ACOXL: variants seen among roughly 807,000 people sequenced by gnomAD.
ACOXL encodes the protein acyl-coenzyme A oxidase-like protein.
In ACOXL, 70 loss-of-function variants were observed where a neutral mutation model predicts 71.9. The ratio of observed to expected loss-of-function variants is 0.97; its 90% CI spans 0.80 to 1.19. The LOEUF is 1.19. ACOXL is among the 50% of genes most tolerant of loss of function. ACOXL has a pLI of 0.00. For missense variants in ACOXL, 703 were observed against 736.3 expected (o/e 0.95, Z 0.52); for synonymous variants, 253 against 281.6 (o/e 0.90, Z 1.02).
At position 110,790,848 on chromosome 2, in the gene ACOXL, C is replaced by T. The variant is rs557514837; in HGVS notation, c.160-2802C>T. ...TCCCAGCCCCTCCTCCAAGCTGTTCCACTGCAGTCAGTGGGTCTCCATCTT... is the reference window on the plus strand; with the variant it reads ...TCCCAGCCCCTCCTCCAAGCTGTTCTACTGCAGTCAGTGGGTCTCCATCTT... On this transcript the variant is annotated intron_variant, in intron 3 of 17. Transcript: ENST00000439055. Among the ~76,000 whole-genome samples the T allele has an allele frequency of 1.1e-4, 16 of 152,354 alleles. No individual in the cohort carries two copies. The South Asian group carries it at 3.3e-3, about 32-fold the overall frequency.
chr2:110,867,375 A>T (rs546877044), intron 10 of ACOXL, among the ~76,000 whole-genome samples: 227 of 152,194 alleles, frequency 1.5e-3, no homozygotes, highest in Non-Finnish European at 2.4e-3. Flanking sequence ...AGGGGCATAG[A>T]TCCTTCTGCA....
intron 2 of ACOXL, among the ~76,000 whole-genome samples, chr2:110,781,426 G>A (rs1482802842): frequency 1.3e-5 from 2 of 151,900 alleles, no homozygotes; most frequent in African/African-American, 2.4e-5. Flanking sequence ...CGGATCATGA[G>A]GTCAGGAGTT....
intron 2 of ACOXL, among the ~76,000 whole-genome samples, chr2:110,771,427 T>C (rs1410885524): frequency 6.6e-6 from 1 of 152,162 alleles, no homozygotes; most frequent in Non-Finnish European, 1.5e-5. Flanking sequence ...TGCTCTCCAC[T>C]TTTGTGGATG....
rs371697543 is a variant in ACOXL at position 110,781,124 on chromosome 2, GC to G, written c.76-3605del. Among the ~76,000 whole-genome samples, 7 of 152,342 alleles carry G rather than the reference GC, an allele frequency of 4.6e-5. No homozygotes were observed. In the East Asian group the frequency reaches 1.2e-3, roughly 25 times the overall value. ...GGGATGCCTGCTGGGGGAAGGGAATGCCCTGTGCTCTTGATTGATATGATGG... is the reference window on the plus strand; with the variant it reads ...GGGATGCCTGCTGGGGGAAGGGAATGCCTGTGCTCTTGATTGATATGATGG... On this transcript the variant is annotated intron_variant, in intron 2 of 17. Transcript: ENST00000439055.
intron 11 of ACOXL, among the ~76,000 whole-genome samples, chr2:110,925,853 C>CTT (rs59794309): frequency 0.013 from 1,566 of 120,940 alleles, 23 homozygotes; most frequent in East Asian, 0.023. Flanking sequence ...TTACTTCTAG[C>CTT]TTTTTTTTTT....
intron 15 of ACOXL, among the ~76,000 whole-genome samples, chr2:111,046,393 T>C (rs757323283): frequency 7.9e-5 from 12 of 152,168 alleles, no homozygotes; most frequent in Non-Finnish European, 1.8e-4. Context: ...AAGGGTGGTA[T>C]ATTAGTTCTT....
chr2:111,008,743 G>C (rs1402538600), intron 14 of ACOXL, among the ~76,000 whole-genome samples: 1 of 152,170 alleles, frequency 6.6e-6, no homozygotes, highest in African/African-American at 2.4e-5. Flanking sequence ...ACTGAGTGAA[G>C]TCTGTTTCCT....
At chr2:110,952,901 A>T (rs574755157) in intron 12 of ACOXL, among the ~76,000 whole-genome samples, 1 of 152,304 alleles carries the variant, frequency 6.6e-6, no homozygotes, top group East Asian at 1.9e-4. Flanking sequence ...CATATCAACC[A>T]TGATTTGATA....
intron 14 of ACOXL, among the ~76,000 whole-genome samples, chr2:111,002,729 AT>A (rs1187884491): frequency 2.0e-5 from 3 of 151,656 alleles, no homozygotes; most frequent in African/African-American, 4.9e-5. Context: ...TTTTCATTTT[AT>A]TTTTTTCCCA....
Position 110,939,210 on chromosome 2 carries a change from T to G in ACOXL, c.1059+5568T>G, listed in dbSNP as rs145562936. 2.6e-5 allele frequency among the ~76,000 whole-genome samples: 4 copies of G among 152,358 alleles called. No homozygotes were observed. The East Asian group carries it at 5.8e-4, about 22-fold the overall frequency. On this transcript the variant is annotated intron_variant, in intron 12 of 17. Coordinates refer to ENST00000439055, the MANE Select transcript of ACOXL (RefSeq NM_001142807.4). ...ATGAGCATCATCTGTGGAGGGCAGCTTCTTGGCTGAGCAAAGTCTATTTGA... is the reference window on the plus strand; with the variant it reads ...ATGAGCATCATCTGTGGAGGGCAGCGTCTTGGCTGAGCAAAGTCTATTTGA...
intron 11 of ACOXL, among the ~76,000 whole-genome samples, chr2:110,916,095 A>AT (rs2059848558): frequency 6.6e-6 from 1 of 152,066 alleles, no homozygotes; most frequent in Non-Finnish European, 1.5e-5. Flanking sequence ...GTTACCCTGT[A>AT]TTTTTTGAGA....
Position 110,762,760 on chromosome 2 carries a change from A to G in ACOXL, c.-22-5608A>G, listed in dbSNP as rs556898451. ...AACCTTCCCCTCCTAGGCTCAAGCAATCCTCCTACCTCAGACTCCCAAGTA... is the reference window on the plus strand; with the variant it reads ...AACCTTCCCCTCCTAGGCTCAAGCAGTCCTCCTACCTCAGACTCCCAAGTA... On this transcript the variant is annotated intron_variant, in intron 1 of 17. Coordinates refer to ENST00000439055, the MANE Select transcript of ACOXL (RefSeq NM_001142807.4). Among the ~76,000 whole-genome samples the G allele has an allele frequency of 1.9e-4, 29 of 152,228 alleles. No individual in the cohort carries two copies. In the Middle Eastern group the frequency reaches 0.01, roughly 54 times the overall value.
chr2:110,895,752 A>G (rs2058983326), intron 10 of ACOXL, among the ~76,000 whole-genome samples: 1 of 152,130 alleles, frequency 6.6e-6, no homozygotes, highest in Admixed American at 6.6e-5. Flanking sequence ...GTGGCATGAC[A>G]TTTTTCAGGC....
chr2:110,865,733 G>A (rs1694509453), intron 10 of ACOXL, among the ~76,000 whole-genome samples: 1 of 152,160 alleles, frequency 6.6e-6, no homozygotes, highest in Admixed American at 6.5e-5. Flanking sequence ...CGATTTACAT[G>A]CATTTATGTG....
At chr2:110,909,696 G>T (rs550994626) in intron 11 of ACOXL, among the ~76,000 whole-genome samples, 10 of 151,122 alleles carry the variant, frequency 6.6e-5, no homozygotes, top group African/African-American at 2.2e-4. Context: ...TAGTGCCAGG[G>T]TTTATAAAAG....
At chr2:110,805,428 CTG>C in intron 9 of ACOXL, 33 bp downstream of exon 9, 1 of 1,613,664 alleles carries the variant, frequency 6.2e-7, no homozygotes, top group Middle Eastern at 1.7e-4. Flanking sequence ...TAATTATCTA[CTG>C]TGAATTCTCT....
intron 10 of ACOXL, among the ~76,000 whole-genome samples, chr2:110,898,279 A>T (rs1356744274): frequency 6.6e-6 from 1 of 152,190 alleles, no homozygotes; most frequent in Non-Finnish European, 1.5e-5. Context: ...AACCAAATAA[A>T]GAAAATATAA....
intron 16 of ACOXL, among the ~76,000 whole-genome samples, chr2:111,056,812 C>T (rs1477696669): frequency 7.1e-6 from 1 of 140,248 alleles, no homozygotes; most frequent in Non-Finnish European, 1.6e-5. Context: ...AAAAAAATTT[C>T]ATGGTAGTAT....
intron 12 of ACOXL, among the ~76,000 whole-genome samples, chr2:110,962,929 A>G (rs1239463379): frequency 6.6e-6 from 1 of 152,186 alleles, no homozygotes; most frequent in East Asian, 1.9e-4. Flanking sequence ...GGTAGTGCAG[A>G]GGCCCTCAGA....
Sources: gnomAD v4.1 joint callset for allele counts (sites outside exome capture counted in the v4.1 genomes callset) on GRCh38, gnomAD v4.1.1 for gene constraint, MANE v1.5 for transcripts, NCBI Gene and HGNC (gene_info 2026-07-23, HGNC 2026-07-21) for gene names.